The following RUSC1 variants were observed in gnomAD, a reference collection of about 807,000 sequenced individuals.
The protein encoded by RUSC1 is RUN and SH3 domain containing 1, also known as AP-4 complex accessory subunit RUSC1.
RUSC1 carries 40 observed loss-of-function variants against 72.1 expected under a neutral mutation model. The ratio of observed to expected loss-of-function variants is 0.55; its 90% CI spans 0.43 to 0.72. RUSC1 has a LOEUF of 0.72. Ranked by LOEUF, RUSC1 falls within the 30% of genes least tolerant of loss-of-function variation. RUSC1 has a pLI of 0.00. For synonymous variants in RUSC1, 512 were observed against 494.2 expected (o/e 1.04, Z -0.48); for missense variants, 1,092 against 1,172.3 (o/e 0.93, Z 1.00).
chr1:155,330,446 C>G lies in RUSC1; in HGVS notation c.2584C>G (p.Gln862Glu). Residue 862 changes from glutamine (Q) to glutamate (E), a missense_variant, in exon 10 of 10, where the codon CAG becomes GAG. By Grantham distance (29) the Gln-to-Glu change is conservative. Coordinates refer to ENST00000368352, the MANE Select transcript of RUSC1 (RefSeq NM_001105203.2). ...TGATCACACTGCTGCAAGACCTGAC[C>G]AGTTGAGCTTCCGGCGTGGGGAAGT... Reference protein sequence around the residue: ...LCDHTAARPDQLSFRRGEVLR... With the variant: ...LCDHTAARPDELSFRRGEVLR... 1 of 1,613,472 alleles carries G rather than the reference C, an allele frequency of 6.2e-7. No individual in the cohort carries two copies. The highest frequency in any genetic ancestry group is 8.5e-7 in the Non-Finnish European group (1 of 1,180,022).
chr1:155,326,159 C>T lies in RUSC1; in HGVS notation c.1861+249C>T, dbSNP rs1651386848. ...TCTTGCCAACAGTCTTCCCGCCTGG[C>T]CCTTCCTGCTCCAGGGCCCTGCTTA... is the stretch of plus-strand genomic sequence containing the variant. On this transcript the variant is annotated intron_variant, in intron 7 of 9. Coordinates refer to ENST00000368352, the MANE Select transcript of RUSC1 (RefSeq NM_001105203.2). The surrounding 1 kb of genome is among the most constrained non-coding windows in gnomAD (Gnocchi z 4.7). The T allele has an allele frequency of 1.7e-6, 1 of 588,568 alleles. No individual in the cohort carries two copies. The highest frequency in any genetic ancestry group is 2.0e-5 in the South Asian group (1 of 49,494). 36.5% of individuals were successfully genotyped at this position (588,568 alleles called of 1,614,324 possible). A position where few individuals can be genotyped will look rare whatever the true frequency, so the allele number is the denominator to read the frequency against.
chr1:155,325,986 TC>T lies in RUSC1; in HGVS notation c.1861+79del, dbSNP rs1651358749. On this transcript the variant is annotated intron_variant, in intron 7 of 9. Coordinates refer to ENST00000368352, the MANE Select transcript of RUSC1 (RefSeq NM_001105203.2). This position sits in a 1 kb window ranked among gnomAD's most constrained non-coding sequence, Gnocchi z 6.5. ...AAGGAAAGAGTTCTCTCCTGCTGGTTCCCACTGCTGCCAGAATGCCATTAAT... is the reference window on the plus strand; with the variant it reads ...AAGGAAAGAGTTCTCTCCTGCTGGTTCCACTGCTGCCAGAATGCCATTAAT... 3.5e-6 allele frequency: 5 copies of T among 1,432,980 alleles called. No individual in the cohort carries two copies. 88.8% of individuals were successfully genotyped at this position (1,432,980 alleles called of 1,614,324 possible). A position where few individuals can be genotyped will look rare whatever the true frequency, so the allele number is the denominator to read the frequency against.
chr1:155,323,490 T>A, intron 2 of RUSC1: 1 of 175,146 alleles, frequency 5.7e-6, no homozygotes, highest in Non-Finnish European at 1.2e-5. Flanking sequence ...CAGGCGCAGC[T>A]GGGTCTCTGC....
chr1:155,327,206 C>T, intron 8 of RUSC1, 74 bp downstream of exon 8: 2 of 1,418,814 alleles, frequency 1.4e-6, no homozygotes, highest in Non-Finnish European at 1.9e-6. Flanking sequence ...TTGAAACTCT[C>T]TAGTGATGAT....
intron 2 of RUSC1, chr1:155,324,017 G>A (rs1160640485): frequency 2.9e-6 from 3 of 1,050,156 alleles, no homozygotes; most frequent in Admixed American, 1.1e-4. Context: ...TGCCTTTCCT[G>A]CTCCGTGGGC....
Position 155,322,252 on chromosome 1 carries a change from T to G in RUSC1, c.479T>G (p.Phe160Cys), listed in dbSNP as rs779287778. The G allele has an allele frequency of 5.6e-6, 9 of 1,612,918 alleles. No homozygotes were observed. The highest frequency in any genetic ancestry group is 1.6e-4 in the Middle Eastern group (1 of 6,080). Reference protein sequence around the residue: ...AGPGTCSPDSFCCSPDSCSGA... With the variant: ...AGPGTCSPDSCCCSPDSCSGA... ...CCTGGCACCTGCTCACCGGACAGCT[T>G]CTGCTGCTCTCCTGATTCCTGCTCC... Residue 160 changes from phenylalanine to cysteine, a missense_variant, in exon 2 of 10, where the codon TTC (phenylalanine) becomes TGC (cysteine). Physicochemically the swap from Phe to Cys is radical, Grantham distance 205 (BLOSUM62 -2). Coordinates refer to ENST00000368352, the MANE Select transcript of RUSC1 (RefSeq NM_001105203.2).
At chr1:155,324,736 C>T (rs1012925542) in intron 2 of RUSC1, 109 bp from the exon 3 acceptor site, 1 of 1,590,068 alleles carries the variant, frequency 6.3e-7, no homozygotes, top group African/African-American at 1.3e-5. Flanking sequence ...CCCCAAGACC[C>T]TTCGGGGACA....
In RUSC1 at chr1:155,325,604, G is replaced by A; in HGVS notation, c.1746G>A (p.Gln582=). ...STRSLGTLYS[Q]VSRLAPLSSS... is the part of the protein sequence containing the mutation. ...GCTCCCTTGGAACCCTGTATAGCCAGGTCAGCCGTCTAGCCCCGCTGAGCA... is the reference window on the plus strand; with the variant it reads ...GCTCCCTTGGAACCCTGTATAGCCAAGTCAGCCGTCTAGCCCCGCTGAGCA... Residue 582 remains glutamine (Q), a synonymous_variant, in exon 6 of 10, where the codon CAG becomes CAA. Transcript: ENST00000368352. The surrounding 1 kb of genome is among the most constrained non-coding windows in gnomAD (Gnocchi z 6.5). The A allele has an allele frequency of 6.2e-7, 1 of 1,612,538 alleles. No homozygotes were observed. The highest frequency in any genetic ancestry group is 8.5e-7 in the Non-Finnish European group (1 of 1,179,988).
intron 2 of RUSC1, chr1:155,324,119 T>G: frequency 5.7e-6 from 7 of 1,222,068 alleles, no homozygotes; most frequent in Admixed American, 4.3e-5. Context: ...GCGAGTCTGT[T>G]GTTAGGGGCT....
chr1:155,328,481 C>T (rs988673526), intron 9 of RUSC1, among the ~76,000 whole-genome samples: 4 of 151,428 alleles, frequency 2.6e-5, no homozygotes, highest in Non-Finnish European at 5.9e-5. Flanking sequence ...CTCTGTCGCT[C>T]AGGCTGGAGT....
rs750679085 is a variant in RUSC1, at chr1:155,324,909, G to C, written c.1422G>C (p.Gln474His). 3.7e-6 allele frequency: 6 copies of C among 1,614,256 alleles called. No individual in the cohort carries two copies. The South Asian group carries it at 6.6e-5, about 18-fold the overall frequency. Reference protein sequence around the residue: ...GAQRLWMAEAQSGTGQLQEQK... With the variant: ...GAQRLWMAEAHSGTGQLQEQK... The stretch of plus-strand genomic sequence containing the variant: ...AGCGGCTGTGGATGGCAGAAGCCCA[G>C]AGTGGGACTGGTCAGCTGCAGGAGC... The change falls in exon 3 of 10, where the codon CAG becomes CAC. Residue 474 changes from glutamine (Q) to histidine (H), a missense_variant. Gln to His is a conservative substitution (Grantham distance 24). Coordinates refer to ENST00000368352, the MANE Select transcript of RUSC1 (RefSeq NM_001105203.2).
chr1:155,326,326 C>A lies in RUSC1; in HGVS notation c.1862-254C>A. On this transcript the variant is annotated intron_variant, in intron 7 of 9. Transcript: ENST00000368352. This position sits in a 1 kb window ranked among gnomAD's most constrained non-coding sequence, Gnocchi z 4.7. ...TTTTGTATGTGCTTCTATGGCTCTC[C>A]TGTCCTCCTCCTCTGTAGCCTTTGC... 1 of 570,258 alleles carries A rather than the reference C, an allele frequency of 1.8e-6. No individual in the cohort carries two copies. The highest frequency in any genetic ancestry group is 3.1e-6 in the Non-Finnish European group (1 of 321,316). 35.3% of individuals were successfully genotyped at this position (570,258 alleles called of 1,614,324 possible).
chr1:155,321,586 C>T, intron 1 of RUSC1, 102 bp from the exon 2 acceptor site: 2 of 1,266,912 alleles, frequency 1.6e-6, no homozygotes, highest in Non-Finnish European at 1.1e-6. Flanking sequence ...TCTTCCAAAG[C>T]AGCCAGAGCC....
chr1:155,324,473 G>C, intron 2 of RUSC1: 1 of 1,610,118 alleles, frequency 6.2e-7, no homozygotes, highest in African/African-American at 1.3e-5. Context: ...CCGGGGCGGT[G>C]CGCTGGGCTA....
In RUSC1 at chr1:155,327,049, A is replaced by G. The variant is rs1386928758; in HGVS notation, c.2331A>G (p.Ala777=). The G allele has an allele frequency of 7.4e-6, 12 of 1,613,430 alleles. No individual in the cohort carries two copies. The highest frequency in any genetic ancestry group is 9.3e-6 in the Non-Finnish European group (11 of 1,180,002). The change falls in exon 8 of 10, where the codon GCA becomes GCG. Residue 777 remains alanine, a synonymous_variant. Coordinates refer to ENST00000368352, the MANE Select transcript of RUSC1 (RefSeq NM_001105203.2). ...GACCCCTGCCCACAGATGAGATGGC[A>G]CCAGGCAGGGGCCTCTGGTTGGGAA... is the stretch of plus-strand genomic sequence containing the variant. ...QERPLPTDEM[A]PGRGLWLGRL...
rs773894615 is a variant in RUSC1, at chr1:155,325,536, G to A, written c.1709-31G>A. On this transcript the variant is annotated intron_variant, in intron 5 of 9. Transcript: ENST00000368352. This position sits in a 1 kb window ranked among gnomAD's most constrained non-coding sequence, Gnocchi z 6.5. ...ACCCGGCAGTGCGCAGGGCAGGGCC[G>A]GGCTTGGCTGACTGCACCCCACGTT... 6.8e-6 allele frequency: 11 copies of A among 1,606,378 alleles called. No individual in the cohort carries two copies. The highest frequency in any genetic ancestry group is 5.3e-5 in the African/African-American group (4 of 74,890).
At position 155,327,101 on chromosome 1, in the gene RUSC1, G is replaced by A. The variant is rs374797834; in HGVS notation, c.2383G>A (p.Ala795Thr). ...GRLFGVPGGP[A>T]ENENGALKSR... ...ACTATTTGGAGTGCCTGGGGGCCCC[G>A]CAGAAAATGAGAATGGAGCCCTAAA... The change falls in exon 8 of 10, where the codon GCA becomes ACA. Residue 795 changes from alanine (A) to threonine (T), a missense_variant. Physicochemically the swap from Ala to Thr is moderately conservative, Grantham distance 58. Transcript: ENST00000368352. 6.0e-5 allele frequency: 96 copies of A among 1,606,866 alleles called. No homozygotes were observed. Among genetic ancestry groups the A allele is most frequent in the East Asian group, 4.5e-5 (2 of 44,696 alleles).
In RUSC1 at chr1:155,326,932, G is replaced by T. The variant is rs1651481046; in HGVS notation, c.2214G>T (p.Arg738=). 2 of 1,613,840 alleles carry T rather than the reference G, an allele frequency of 1.2e-6. No individual in the cohort carries two copies. Among genetic ancestry groups the T allele is most frequent in the Non-Finnish European group, 1.7e-6 (2 of 1,180,036 alleles). Reference sequence around the variant, plus strand: ...GGGAGCAGTTGACCCAGGCCTCCCGGGTCTATGCCTCTGGGGGCACTGAGG... The same window carrying T: ...GGGAGCAGTTGACCCAGGCCTCCCGTGTCTATGCCTCTGGGGGCACTGAGG... ...SWWEQLTQAS[R]VYASGGTEGF... The change falls in exon 8 of 10, where the codon CGG becomes CGT. Residue 738 remains arginine (R), a synonymous_variant. Transcript: ENST00000368352. The surrounding 1 kb of genome is among the most constrained non-coding windows in gnomAD (Gnocchi z 4.7).
At chr1:155,324,984 C>G in intron 3 of RUSC1, 41 bp downstream of exon 3, 1 of 1,614,008 alleles carries the variant, frequency 6.2e-7, no homozygotes, top group Non-Finnish European at 8.5e-7. Flanking sequence ...TCCGAATAAA[C>G]TGCCCTTCGC....
Sources: gnomAD v4.1 joint callset for allele counts (sites outside exome capture counted in the v4.1 genomes callset) on GRCh38, gnomAD v4.1.1 for gene constraint, Gnocchi (gnomAD v3.1) non-coding constraint, MANE v1.5 for transcripts, NCBI Gene and HGNC (gene_info 2026-07-23, HGNC 2026-07-21) for gene names.